The following ACTR3C variants were observed in gnomAD, a reference collection of about 807,000 sequenced individuals.
The protein encoded by ACTR3C is actin related protein 3C.
In ACTR3C, 18 loss-of-function variants were observed where a neutral mutation model predicts 26.3. The observed-to-expected ratio is 0.68, with a 90% confidence interval of 0.47 to 1.01. The LOEUF is 1.01. Ranked by LOEUF, ACTR3C falls within the 50% of genes least tolerant of loss-of-function variation. The pLI is 0.00. For synonymous variants in ACTR3C, 55 were observed against 94.5 expected, an observed-to-expected ratio of 0.58 and a Z score of 2.42; for missense variants, 184 against 250.7, an observed-to-expected ratio of 0.73 and a Z score of 1.80.
At chr7:150,005,072 T>A in the ACTR3C span, 1 of 152,216 alleles carries the variant, frequency 6.6e-6, no homozygotes. Context: ...AATGCTCTTT[T>A]TATTGGTAAA....
At chr7:150,035,749 C>G in the ACTR3C span, among the ~76,000 whole-genome samples, 2 of 137,246 alleles carry the variant, frequency 1.5e-5, 1 homozygote, top group Non-Finnish European at 3.3e-5. Flanking sequence ...CCCCGCCTCG[C>G]GGGGGGTGCG....
the ACTR3C span, among the ~76,000 whole-genome samples, chr7:150,079,794 C>T: frequency 8.8e-3 from 1,339 of 152,254 alleles, 10 homozygotes; most frequent in Middle Eastern, 0.044. Context: ...TTCCCCCTTC[C>T]ACCAAGTGCA....
intron 6 of ACTR3C, among the ~76,000 whole-genome samples, chr7:150,273,421 G>C (rs969749232): frequency 3.3e-5 from 5 of 151,456 alleles, no homozygotes; most frequent in Admixed American, 1.3e-4. Flanking sequence ...GGGACCACAG[G>C]TGCGTTCCAC....
At chr7:150,180,305 A>C in the ACTR3C span, among the ~76,000 whole-genome samples, 2 of 150,052 alleles carry the variant, frequency 1.3e-5, no homozygotes, top group African/African-American at 5.1e-5. Flanking sequence ...ACTCCATATT[A>C]AAAAACAAAA....
chr7:149,905,845 C>G, the ACTR3C span, among the ~76,000 whole-genome samples: 1,191 of 152,206 alleles, frequency 7.8e-3, 16 homozygotes, highest in African/African-American at 0.028. Context: ...GGATATCCAT[C>G]AGAACAGCCT....
At chr7:150,167,064 T>G in the ACTR3C span, among the ~76,000 whole-genome samples, 4 of 149,106 alleles carry the variant, frequency 2.7e-5, no homozygotes, top group East Asian at 5.8e-4. Context: ...CATTTGTTAA[T>G]GGACACTTAG....
the ACTR3C span, among the ~76,000 whole-genome samples, chr7:150,040,055 G>C: frequency 1.9e-4 from 26 of 138,476 alleles, no homozygotes; most frequent in South Asian, 4.2e-4. Flanking sequence ...CGCCTCGCGG[G>C]GGGTGCCTCC....
chr7:150,083,157 T>C, the ACTR3C span, among the ~76,000 whole-genome samples: 1 of 151,480 alleles, frequency 6.6e-6, no homozygotes, highest in Non-Finnish European at 1.5e-5. Flanking sequence ...CGTACTATGT[T>C]GTCCAGGCTG....
At chr7:150,067,997 A>C in the ACTR3C span, among the ~76,000 whole-genome samples, 1 of 152,228 alleles carries the variant, frequency 6.6e-6, no homozygotes, top group Non-Finnish European at 1.5e-5. Context: ...TAAATATATA[A>C]GATAAAATAT....
At position 150,274,250 on chromosome 7, in the gene ACTR3C, A is replaced by C. The variant is rs983521752; in HGVS notation, c.564+10503T>G. On this transcript the variant is annotated intron_variant, in intron 6 of 7. Coordinates refer to ENST00000683684, the MANE Select transcript of ACTR3C (RefSeq NM_001164458.2). The surrounding 1 kb of genome is among the most constrained non-coding windows in gnomAD (Gnocchi z 4.1). ...CTTCGCCCATAATGTGTTTGTTACC[A>C]ACTGAAGGTTTGAGGAAACGGCACC... 6.6e-6 allele frequency among the ~76,000 whole-genome samples: 1 copy of C among 152,198 alleles called. No individual in the cohort carries two copies. The highest frequency in any genetic ancestry group is 2.4e-5 in the African/African-American group (1 of 41,448).
the ACTR3C span, among the ~76,000 whole-genome samples, chr7:150,188,239 T>C: frequency 1.3e-5 from 2 of 152,228 alleles, no homozygotes; most frequent in Non-Finnish European, 2.9e-5. Flanking sequence ...TGTGGCTTTT[T>C]TCACTTAGCA....
At chr7:150,129,109 A>G in the ACTR3C span, among the ~76,000 whole-genome samples, 1 of 151,586 alleles carries the variant, frequency 6.6e-6, no homozygotes, top group Admixed American at 6.6e-5. Flanking sequence ...TTATCTGTGT[A>G]AAAATGTGAG....
At chr7:150,082,678 C>G in the ACTR3C span, among the ~76,000 whole-genome samples, 1 of 152,184 alleles carries the variant, frequency 6.6e-6, no homozygotes, top group East Asian at 1.9e-4. Flanking sequence ...TGAATTTCAT[C>G]TGGCCCTGCA....
At chr7:150,126,140 C>T in the ACTR3C span, among the ~76,000 whole-genome samples, 1 of 152,346 alleles carries the variant, frequency 6.6e-6, no homozygotes, top group African/African-American at 2.4e-5. Context: ...CACTTTGCAA[C>T]CGACACTCAG....
chr7:150,270,427 G>T (rs1311495202), intron 6 of ACTR3C, among the ~76,000 whole-genome samples: 2 of 150,876 alleles, frequency 1.3e-5, no homozygotes, highest in Non-Finnish European at 2.9e-5. Context: ...TCCCCATTCT[G>T]CCGAGAAGGA....
the ACTR3C span, among the ~76,000 whole-genome samples, chr7:149,932,691 G>A: frequency 2.1e-5 from 3 of 145,384 alleles, no homozygotes; most frequent in Non-Finnish European, 3.0e-5. Context: ...GGGAGCGGGG[G>A]AGAGAGAGAA....
the ACTR3C span, among the ~76,000 whole-genome samples, chr7:149,906,412 C>T: frequency 0.023 from 1,650 of 72,044 alleles, 62 homozygotes; most frequent in African/African-American, 0.078. Flanking sequence ...GGGTTTGTTT[C>T]TTTTTTTTTT....
At chr7:150,123,134 G>A in the ACTR3C span, among the ~76,000 whole-genome samples, 1 of 151,866 alleles carries the variant, frequency 6.6e-6, no homozygotes, top group African/African-American at 2.4e-5. Context: ...ACCTAATGTA[G>A]ATGACGGGTT....
At chr7:150,239,528 C>A (rs1376906315), downstream of ACTR3C, among the ~76,000 whole-genome samples, 3 of 122,158 alleles carry the variant, frequency 2.5e-5, no homozygotes, top group African/African-American at 7.0e-5. Context: ...CTCTCTCTCT[C>A]TCTCTCTCTC....
Sources: gnomAD v4.1 joint callset for allele counts (sites outside exome capture counted in the v4.1 genomes callset) on GRCh38, gnomAD v4.1.1 for gene constraint, Gnocchi (gnomAD v3.1) non-coding constraint, MANE v1.5 for transcripts, NCBI Gene and HGNC (gene_info 2026-07-23, HGNC 2026-07-21) for gene names.